MOSMO: variants seen among roughly 807,000 people sequenced by gnomAD.
The protein encoded by MOSMO is modulator of smoothened protein.
Under a neutral mutation model 18.4 loss-of-function variants are expected in MOSMO, and 5 were observed. The observed-to-expected ratio is 0.27, with a 90% CI of 0.14 to 0.57. The LOEUF (loss-of-function observed/expected upper bound fraction) is 0.57, where lower values mean the gene tolerates loss of function less well. Ranked by LOEUF, MOSMO falls within the 20% of genes least tolerant of loss-of-function variation. The probability of loss-of-function intolerance (pLI) is 0.92; values close to 1 mark genes in which losing one functional copy is unlikely to be tolerated. For missense variants in MOSMO, 138 were observed against 211.8 expected (o/e 0.65, Z 2.16); for synonymous variants, 82 against 82.3 (o/e 1.00, Z 0.02).
intron 1 of MOSMO, among the ~76,000 whole-genome samples, chr16:22,021,658 C>T (rs1333334502): frequency 2.6e-5 from 4 of 151,862 alleles, no homozygotes; most frequent in Admixed American, 6.6e-5. Context: ...ATTAACCCGG[C>T]GTGATGGCGT....
chr16:22,058,752 T>G (rs1900587247), intron 1 of MOSMO, among the ~76,000 whole-genome samples: 1 of 152,206 alleles, frequency 6.6e-6, no homozygotes, highest in South Asian at 2.1e-4. Flanking sequence ...GAGCTTGAGA[T>G]GCCTATGAGG....
intron 1 of MOSMO, among the ~76,000 whole-genome samples, chr16:22,036,158 G>A (rs7197028): frequency 0.061 from 9,200 of 151,824 alleles, 882 homozygotes; most frequent in African/African-American, 0.21. Context: ...ACAGAGTCTC[G>A]CTCTCTCTCC....
At chr16:22,052,433 C>T (rs150404322) in intron 1 of MOSMO, among the ~76,000 whole-genome samples, 1 of 152,314 alleles carries the variant, frequency 6.6e-6, no homozygotes, top group African/African-American at 2.4e-5. Flanking sequence ...GACATAACCC[C>T]TTTGGAAAAC....
chr16:22,060,841 C>T (rs1463691156), intron 1 of MOSMO, among the ~76,000 whole-genome samples: 1 of 151,660 alleles, frequency 6.6e-6, no homozygotes, highest in Non-Finnish European at 1.5e-5. Context: ...TCATTGCACT[C>T]TAGCCTGGGC....
rs1900490766 is a variant in MOSMO at position 22,054,302 on chromosome 16, C to T, written c.107-21185C>T. Among the ~76,000 whole-genome samples the T allele has an allele frequency of 2.0e-5, 3 of 152,128 alleles. No homozygotes were observed. The South Asian group carries it at 6.2e-4, about 32-fold the overall frequency. On this transcript the variant is annotated intron_variant, in intron 1 of 2. Coordinates refer to ENST00000542527, the MANE Select transcript of MOSMO (RefSeq NM_001164579.2). ...GCAAAGACAGGGTCTCACTCTGTTG[C>T]CCAGGCTAGTCTCGAACACCTGGGC...
At chr16:22,088,673 T>TA (rs1206049904), downstream of MOSMO, among the ~76,000 whole-genome samples, 1 of 152,208 alleles carries the variant, frequency 6.6e-6, no homozygotes, top group Non-Finnish European at 1.5e-5. Context: ...TATGTCATCT[T>TA]AATCCTCTAC....
chr16:22,017,006 T>C (rs1404810806), intron 1 of MOSMO, among the ~76,000 whole-genome samples: 1 of 152,196 alleles, frequency 6.6e-6, no homozygotes, highest in African/African-American at 2.4e-5. Context: ...GATAGTTGGT[T>C]CTTTATAGAA....
chr16:22,091,019 T>C (rs1259646212), downstream of MOSMO, among the ~76,000 whole-genome samples: 3 of 152,168 alleles, frequency 2.0e-5, no homozygotes, highest in South Asian at 2.1e-4. Flanking sequence ...GACGACCTGC[T>C]TGGGGCTCCC....
chr16:22,011,840 A>T (rs1216064897), intron 1 of MOSMO, among the ~76,000 whole-genome samples: 1 of 151,920 alleles, frequency 6.6e-6, no homozygotes, highest in Non-Finnish European at 1.5e-5. Context: ...CAAAACATAA[A>T]ACGAATGGGA....
Position 22,008,332 on chromosome 16 carries a change from C to A in MOSMO, c.31C>A (p.Leu11Ile), listed in dbSNP as rs368259073. 303 of 1,533,468 alleles carry A rather than the reference C, an allele frequency of 2.0e-4. 2 individuals are homozygous for A. In the African/African-American group the frequency reaches 3.8e-3, roughly 19 times the overall value. 95.0% of individuals were successfully genotyped at this position (1,533,468 alleles called of 1,614,324 possible). The change falls in exon 1 of 3, where the codon CTC (leucine) becomes ATC (isoleucine). Residue 11 changes from leucine to isoleucine, a missense_variant. Coordinates refer to ENST00000542527, the MANE Select transcript of MOSMO (RefSeq NM_001164579.2). Reference protein sequence around the residue: MDKLTIISGCLFLAADIFAIA... With the variant: MDKLTIISGCIFLAADIFAIA... Reference sequence around the variant, plus strand: ...TAAACTGACCATCATCTCAGGATGTCTCTTTCTGGCCGCCGATATCTTCGC... The same window carrying A: ...TAAACTGACCATCATCTCAGGATGTATCTTTCTGGCCGCCGATATCTTCGC...
downstream of MOSMO, chr16:22,087,188 C>T (rs899938466): frequency 2.0e-5 from 3 of 152,186 alleles, no homozygotes; most frequent in Admixed American, 6.5e-5. Flanking sequence ...CCTCTTCAAG[C>T]TTGTGGGTTC....
chr16:22,023,916 A>G (rs1899816849), intron 1 of MOSMO, among the ~76,000 whole-genome samples: 1 of 150,740 alleles, frequency 6.6e-6, no homozygotes, highest in Non-Finnish European at 1.5e-5. Context: ...TCTTGTATAG[A>G]TTCAAGAAAT....
At chr16:22,022,925 T>C (rs1378064713) in intron 1 of MOSMO, among the ~76,000 whole-genome samples, 1 of 152,186 alleles carries the variant, frequency 6.6e-6, no homozygotes, top group Non-Finnish European at 1.5e-5. Context: ...TGGTCCTTTG[T>C]TACAGCAGCC....
chr16:22,029,556 A>C (rs1189108842), intron 1 of MOSMO, among the ~76,000 whole-genome samples: 1 of 152,224 alleles, frequency 6.6e-6, no homozygotes, highest in African/African-American at 2.4e-5. Context: ...GCTAGACAGA[A>C]AAATGCTGTT....
At chr16:22,077,835 G>C (rs1404223989) in intron 2 of MOSMO, among the ~76,000 whole-genome samples, 1 of 152,050 alleles carries the variant, frequency 6.6e-6, no homozygotes, top group East Asian at 1.9e-4. Context: ...CTTGCTTTTA[G>C]CTTCCTTAAA....
intron 1 of MOSMO, among the ~76,000 whole-genome samples, chr16:22,038,748 G>A (rs1466030606): frequency 2.0e-5 from 3 of 152,178 alleles, no homozygotes; most frequent in Non-Finnish European, 2.9e-5. Flanking sequence ...CAGATTTCTG[G>A]GTTGTATTGA....
At chr16:22,015,758 A>C (rs958398875) in intron 1 of MOSMO, among the ~76,000 whole-genome samples, 1 of 152,192 alleles carries the variant, frequency 6.6e-6, no homozygotes, top group Admixed American at 6.5e-5. Flanking sequence ...CTTAGTTCCA[A>C]ACATCATCTC....
At chr16:22,025,229 A>G (rs1044200160) in intron 1 of MOSMO, among the ~76,000 whole-genome samples, 20 of 152,174 alleles carry the variant, frequency 1.3e-4, no homozygotes, top group Admixed American at 1.2e-3. Flanking sequence ...GGTCTGTTTC[A>G]TGTATATAAA....
At chr16:22,059,346 T>C (rs1900599457) in intron 1 of MOSMO, among the ~76,000 whole-genome samples, 1 of 152,100 alleles carries the variant, frequency 6.6e-6, no homozygotes, top group African/African-American at 2.4e-5. Flanking sequence ...TTTTCATGAG[T>C]TGTTGGGCAT....
Sources: allele counts gnomAD v4.1 joint callset (sites outside exome capture counted in the v4.1 genomes callset), GRCh38; gene constraint gnomAD v4.1.1; transcripts MANE v1.5; gene names NCBI Gene and HGNC (gene_info 2026-07-23, HGNC 2026-07-21).